The following PKIG variants were observed in gnomAD, a reference collection of about 807,000 sequenced individuals.
PKIG encodes protein kinase (cAMP-dependent, catalytic) inhibitor gamma.
Under a neutral mutation model 6.8 loss-of-function variants are expected in PKIG, and 1 was observed. That is an observed-to-expected ratio of 0.15 (90% confidence interval 0.05 to 0.69). The LOEUF is 0.69. Among genes scored for constraint, PKIG ranks in the 30% least tolerant of loss-of-function variants. PKIG has a pLI of 0.82. For synonymous variants in PKIG, 39 were observed against 43.0 expected (o/e 0.91, Z 0.36); for missense variants, 77 against 104.0 (o/e 0.74, Z 1.13).
chr20:44,618,742 C>T lies in PKIG; in HGVS notation c.*378C>T. ...TGTCCCAACACCAACACCTCCTCTC[C>T]AGCCCAATCTTCTGGGTCCAGACCT... On this transcript the variant is annotated 3_prime_UTR_variant, in exon 4 of 4. Transcript: ENST00000372886. 1 of 187,896 alleles carries T rather than the reference C, an allele frequency of 5.3e-6. No homozygotes were observed. The highest frequency in any genetic ancestry group is 1.1e-5 in the Non-Finnish European group (1 of 89,186). The allele number at this position is 187,896 out of a possible 1,614,324, so 11.6% of individuals were successfully genotyped here.
chr20:44,593,520 C>T (rs1488949696), intron 2 of PKIG, among the ~76,000 whole-genome samples: 2 of 151,944 alleles, frequency 1.3e-5, no homozygotes, highest in African/African-American at 2.4e-5. Context: ...AAGACAAATA[C>T]TACAGGATCT....
chr20:44,594,627 G>T (rs1423873053), intron 2 of PKIG, among the ~76,000 whole-genome samples: 1 of 152,152 alleles, frequency 6.6e-6, no homozygotes, highest in Non-Finnish European at 1.5e-5. Flanking sequence ...ATTCATACAG[G>T]CTCTGACCCA....
intron 1 of PKIG, among the ~76,000 whole-genome samples, chr20:44,545,826 T>A (rs973070884): frequency 6.6e-6 from 1 of 152,020 alleles, no homozygotes; most frequent in Non-Finnish European, 1.5e-5. Context: ...CTCCAAAACA[T>A]ATATATACAT....
At chr20:44,565,903 T>G (rs2064806672) in intron 1 of PKIG, among the ~76,000 whole-genome samples, 1 of 152,190 alleles carries the variant, frequency 6.6e-6, no homozygotes, top group South Asian at 2.1e-4. Context: ...GCTGGGATTA[T>G]AGGCACCCGC....
At position 44,614,477 on chromosome 20, in the gene PKIG, CCT is replaced by C. The variant is rs1434000514; in HGVS notation, c.-23-52_-23-51del. Reference sequence around the variant, plus strand: ...CACTGTGCTGGGGAACTGGAGCTGTCCTCTCTGCAGAATGCATCTGGACTTAC... The same window carrying C: ...CACTGTGCTGGGGAACTGGAGCTGTCCTCTGCAGAATGCATCTGGACTTAC... On this transcript the variant is annotated intron_variant, in intron 2 of 3. Transcript: ENST00000372886. This position sits in a 1 kb window ranked among gnomAD's most constrained non-coding sequence, Gnocchi z 4.6. 39 of 1,307,236 alleles carry C rather than the reference CCT, an allele frequency of 3.0e-5. No individual in the cohort carries two copies. Among genetic ancestry groups the C allele is most frequent in the Non-Finnish European group, 4.2e-5 (39 of 922,818 alleles). 81.0% of individuals were successfully genotyped at this position (1,307,236 alleles called of 1,614,324 possible). A position where few individuals can be genotyped will look rare whatever the true frequency, so the allele number is the denominator to read the frequency against.
intron 1 of PKIG, among the ~76,000 whole-genome samples, chr20:44,550,829 C>T (rs2064661184): frequency 6.6e-6 from 1 of 152,114 alleles, no homozygotes; most frequent in South Asian, 2.1e-4. Flanking sequence ...TATGACCTCT[C>T]ACTTAATGAG....
intron 1 of PKIG, among the ~76,000 whole-genome samples, chr20:44,540,794 C>G (rs1190051536): frequency 2.6e-5 from 4 of 152,112 alleles, no homozygotes; most frequent in Admixed American, 2.6e-4. Flanking sequence ...GTTGGCCAGG[C>G]TGATCTTGAA....
upstream of PKIG, among the ~76,000 whole-genome samples, chr20:44,581,754 G>A (rs534234757): frequency 2.3e-4 from 35 of 152,298 alleles, no homozygotes; most frequent in South Asian, 2.1e-3. Context: ...GGTTAAAGGT[G>A]CCCAGCTGAG....
chr20:44,534,761 G>A (rs551612323), intron 1 of PKIG, among the ~76,000 whole-genome samples: 31 of 152,218 alleles, frequency 2.0e-4, no homozygotes, highest in African/African-American at 5.5e-4. Context: ...GAGCCACTGC[G>A]CCCGGCCTCA....
chr20:44,599,190 G>A (rs2065099314), intron 2 of PKIG, among the ~76,000 whole-genome samples: 1 of 152,138 alleles, frequency 6.6e-6, no homozygotes. Context: ...GAAAAAGAAG[G>A]TCAGAAAAGG....
At chr20:44,574,063 T>G (rs769712279) in intron 1 of PKIG, among the ~76,000 whole-genome samples, 8 of 152,248 alleles carry the variant, frequency 5.3e-5, no homozygotes, top group Non-Finnish European at 1.2e-4. Flanking sequence ...CTGCTTTTAC[T>G]TCTTTTGGTG....
At chr20:44,551,413 T>C (rs1219800698) in intron 1 of PKIG, among the ~76,000 whole-genome samples, 1 of 152,200 alleles carries the variant, frequency 6.6e-6, no homozygotes, top group Non-Finnish European at 1.5e-5. Flanking sequence ...TCTAAAATCA[T>C]GCAAAAGTAC....
intron 1 of PKIG, among the ~76,000 whole-genome samples, chr20:44,558,440 T>C (rs1385263401): frequency 9.9e-5 from 15 of 152,176 alleles, no homozygotes; most frequent in Admixed American, 9.8e-4. Context: ...CACTCTAAAA[T>C]AGTAAGTATT....
At chr20:44,595,565 G>GT (rs1568827629) in intron 2 of PKIG, among the ~76,000 whole-genome samples, 1 of 152,140 alleles carries the variant, frequency 6.6e-6, no homozygotes. Context: ...CCAGGCAGGG[G>GT]TGCAGTGGCA....
At chr20:44,565,213 G>T (rs929328591) in intron 1 of PKIG, among the ~76,000 whole-genome samples, 3 of 152,108 alleles carry the variant, frequency 2.0e-5, no homozygotes, top group Non-Finnish European at 4.4e-5. Context: ...CCTTCTGTTT[G>T]TCAGGCCTTC....
intron 1 of PKIG, among the ~76,000 whole-genome samples, chr20:44,541,695 CTT>C (rs554662358): frequency 1.4e-4 from 19 of 134,700 alleles, no homozygotes; most frequent in Admixed American, 1.5e-4. Context: ...TCTTTAGGTT[CTT>C]TTTTTTTTTT....
At chr20:44,566,717 A>G (rs1182875118) in intron 1 of PKIG, among the ~76,000 whole-genome samples, 1 of 152,168 alleles carries the variant, frequency 6.6e-6, no homozygotes, top group Admixed American at 6.5e-5. Flanking sequence ...GTGGTGGTGC[A>G]CACTTGTAAT....
chr20:44,535,821 A>G (rs2064507606), intron 1 of PKIG, among the ~76,000 whole-genome samples: 2 of 152,234 alleles, frequency 1.3e-5, no homozygotes, highest in African/African-American at 4.8e-5. Context: ...TTTAATTGTG[A>G]TAAAATTTAC....
chr20:44,533,940 T>G (rs2064490061), intron 1 of PKIG, among the ~76,000 whole-genome samples: 1 of 152,184 alleles, frequency 6.6e-6, no homozygotes, highest in African/African-American at 2.4e-5. Flanking sequence ...GGGACCTCAT[T>G]GAGCAGATTT....
Sources: gnomAD v4.1 joint callset for allele counts (sites outside exome capture counted in the v4.1 genomes callset) on GRCh38, gnomAD v4.1.1 for gene constraint, Gnocchi (gnomAD v3.1) non-coding constraint, MANE v1.5 for transcripts, NCBI Gene and HGNC (gene_info 2026-07-23, HGNC 2026-07-21) for gene names.